Variants in UBXN7 observed in about 807,000 individuals in gnomAD.
The protein encoded by UBXN7 is UBX domain-containing protein 7.
UBXN7 carries 9 observed loss-of-function variants against 58.0 expected under a neutral mutation model. The ratio of observed to expected loss-of-function variants is 0.16; its 90% confidence interval spans 0.09 to 0.27. The LOEUF is 0.27. Ranked by LOEUF, UBXN7 falls within the 10% of genes least tolerant of loss-of-function variation. UBXN7 has a pLI of 1.00. For synonymous variants in UBXN7, 208 were observed against 205.0 expected (o/e 1.01, Z -0.12); for missense variants, 328 against 599.6 (o/e 0.55, Z 4.73).
At chr3:196,358,822 C>CTT (rs76477098) in intron 10 of UBXN7, among the ~76,000 whole-genome samples, 6 of 139,100 alleles carry the variant, frequency 4.3e-5, no homozygotes, top group African/African-American at 1.0e-4. Context: ...ACACCTCTTT[C>CTT]TTTTTTTTTT....
At chr3:196,375,752 G>A (rs1728998875) in intron 5 of UBXN7, among the ~76,000 whole-genome samples, 1 of 152,212 alleles carries the variant, frequency 6.6e-6, no homozygotes, top group South Asian at 2.1e-4. Flanking sequence ...ATTTAGGCCT[G>A]GCATGGTGGC....
At chr3:196,374,423 G>A (rs1473526122) in intron 5 of UBXN7, among the ~76,000 whole-genome samples, 3 of 152,056 alleles carry the variant, frequency 2.0e-5, no homozygotes, top group African/African-American at 4.8e-5. Context: ...AAAAATCTTT[G>A]CCTTTGTGAA....
At position 196,424,763 on chromosome 3, in the gene UBXN7, C is replaced by T. The variant is rs374516468; in HGVS notation, c.73+7564G>A. On this transcript the variant is annotated intron_variant, in intron 1 of 10. Coordinates refer to ENST00000296328, the MANE Select transcript of UBXN7 (RefSeq NM_015562.2). Reference sequence around the variant, plus strand: ...TGTCGCCCAGGCTGGAGTGCAATGGCGTGATCTCAGCTCACTGCAACCTCC... The same window carrying T: ...TGTCGCCCAGGCTGGAGTGCAATGGTGTGATCTCAGCTCACTGCAACCTCC... Among the ~76,000 whole-genome samples, 3 of 144,334 alleles carry T rather than the reference C, an allele frequency of 2.1e-5. No homozygotes were observed. The Admixed American group carries it at 2.2e-4, about 10-fold the overall frequency. The allele number at this position is 144,334 out of a possible 152,430, so 94.7% of individuals were successfully genotyped here.
At chr3:196,401,143 G>A (rs1729948707) in intron 3 of UBXN7, among the ~76,000 whole-genome samples, 1 of 147,018 alleles carries the variant, frequency 6.8e-6, no homozygotes, top group Non-Finnish European at 1.5e-5. Context: ...CGGGTATGGT[G>A]GCTCATGCCT....
intron 1 of UBXN7, among the ~76,000 whole-genome samples, chr3:196,416,968 A>C (rs537587711): frequency 6.6e-6 from 1 of 152,186 alleles, no homozygotes; most frequent in South Asian, 2.1e-4. Flanking sequence ...AGGGCAACTT[A>C]GGGCAGGAAA....
At chr3:196,411,181 A>G (rs1357021018) in intron 1 of UBXN7, among the ~76,000 whole-genome samples, 1 of 152,142 alleles carries the variant, frequency 6.6e-6, no homozygotes, top group East Asian at 1.9e-4. Context: ...AAAAGAATAG[A>G]AGGTTCTTGA....
chr3:196,401,342 T>C (rs1459677474), intron 3 of UBXN7, among the ~76,000 whole-genome samples: 1 of 133,208 alleles, frequency 7.5e-6, no homozygotes, highest in East Asian at 2.2e-4. Flanking sequence ...TACACATATA[T>C]ACAAAAAATA....
chr3:196,423,712 G>A lies in UBXN7; in HGVS notation c.73+8615C>T, dbSNP rs146625278. Among the ~76,000 whole-genome samples the A allele has an allele frequency of 2.1e-3, 313 of 152,242 alleles. 2 individuals carry two copies. Among genetic ancestry groups the A allele is most frequent in the African/African-American group, 7.1e-3 (293 of 41,550 alleles). On this transcript the variant is annotated intron_variant, in intron 1 of 10. Coordinates refer to ENST00000296328, the MANE Select transcript of UBXN7 (RefSeq NM_015562.2). ...CTGACTTATCCACTTGACAAGGTGAGTGGATAAACCCAAAGTACCTTGGGG... is the reference window on the plus strand; with the variant it reads ...CTGACTTATCCACTTGACAAGGTGAATGGATAAACCCAAAGTACCTTGGGG...
At chr3:196,363,049 C>T (rs1157996648) in intron 8 of UBXN7, among the ~76,000 whole-genome samples, 3 of 151,740 alleles carry the variant, frequency 2.0e-5, no homozygotes, top group Non-Finnish European at 2.9e-5. Context: ...GGATTACAAG[C>T]GCCCGCCACC....
chr3:196,420,292 G>T (rs1313871661), intron 1 of UBXN7, among the ~76,000 whole-genome samples: 1 of 152,028 alleles, frequency 6.6e-6, no homozygotes, highest in Non-Finnish European at 1.5e-5. Context: ...CAGCACTTTG[G>T]GAGGCCAAGG....
rs114056303 is a variant in UBXN7 at position 196,359,339 on chromosome 3, C to T, written c.1309-2493G>A. Among the ~76,000 whole-genome samples, 1,329 of 152,278 alleles carry T rather than the reference C, an allele frequency of 8.7e-3. 9 individuals are homozygous for T. The highest frequency in any genetic ancestry group is 0.043 in the South Asian group (206 of 4,824). On this transcript the variant is annotated intron_variant, in intron 10 of 10. Transcript: ENST00000296328. ...CTAATGGGAGTTTTCCCATCTCTCT[C>T]CCTCTATTCAGGCCTCCTTATTCCC...
chr3:196,376,478 G>A (rs554278622), intron 5 of UBXN7, among the ~76,000 whole-genome samples: 13 of 148,032 alleles, frequency 8.8e-5, no homozygotes, highest in Middle Eastern at 3.5e-3. Context: ...CCCAGGAGGC[G>A]GAGGTTGCAG....
intron 5 of UBXN7, among the ~76,000 whole-genome samples, chr3:196,383,308 A>G (rs1729272981): frequency 6.6e-6 from 1 of 152,124 alleles, no homozygotes; most frequent in Non-Finnish European, 1.5e-5. Context: ...GTCCTTAGAG[A>G]CCTACAGAGA....
intron 2 of UBXN7, among the ~76,000 whole-genome samples, chr3:196,406,971 C>T (rs751099949): frequency 7.2e-5 from 11 of 152,168 alleles, no homozygotes; most frequent in Non-Finnish European, 1.2e-4. Flanking sequence ...CTGCTGGCCA[C>T]GGGCCAATCC....
chr3:196,361,545 T>C (rs1382529812), intron 10 of UBXN7, among the ~76,000 whole-genome samples: 1 of 152,192 alleles, frequency 6.6e-6, no homozygotes, highest in African/African-American at 2.4e-5. Context: ...ACTTCACTGC[T>C]GTCACATTTT....
chr3:196,365,814 A>C (rs1357943979), intron 8 of UBXN7, among the ~76,000 whole-genome samples: 1 of 152,192 alleles, frequency 6.6e-6, no homozygotes, highest in African/African-American at 2.4e-5. Context: ...ATCTACCGAT[A>C]AGATTGAATT....
rs527603801 is a variant in UBXN7 at position 196,407,787 on chromosome 3, C to T, written c.74-394G>A. ...GTTAGAAAGAATACATTTCAGTTAG[C>T]ATTTCTGTTTCTGTTAAAAAGAAAG... On this transcript the variant is annotated intron_variant, in intron 1 of 10. Transcript: ENST00000296328. Among the ~76,000 whole-genome samples the T allele has an allele frequency of 5.9e-5, 9 of 152,210 alleles. No homozygotes were observed. The South Asian group carries it at 1.9e-3, about 32-fold the overall frequency.
chr3:196,407,256 G>T lies in UBXN7; in HGVS notation c.211C>A (p.Pro71Thr). 6.2e-7 allele frequency: 1 copy of T among 1,613,902 alleles called. No homozygotes were observed. The highest frequency in any genetic ancestry group is 8.5e-7 in the Non-Finnish European group (1 of 1,179,938). ...TSSASVSTVRPHTEEEVRAPI... is the reference protein window; with the variant it reads ...TSSASVSTVRTHTEEEVRAPI... ...ATAATAAATTCATACTCTGTGTGTG[G>T]TCTGACAGTAGAGACACTTGCTGAA... The change falls in exon 2 of 11, where the codon CCA (proline) becomes ACA (threonine). Residue 71 changes from proline (P) to threonine (T), a missense_variant. Pro to Thr is a conservative substitution (Grantham distance 38). This residue lies in a region of UBXN7 where 106 missense variants were observed against 124.3 expected (regional missense o/e 0.85). Coordinates refer to ENST00000296328, the MANE Select transcript of UBXN7 (RefSeq NM_015562.2).
chr3:196,364,703 G>GT (rs541642001), intron 8 of UBXN7, among the ~76,000 whole-genome samples: 13,400 of 143,666 alleles, frequency 0.093, 667 homozygotes, highest in Middle Eastern at 0.16. Flanking sequence ...TTTGCTGGTT[G>GT]TTTTTTTTTT....
Sources: allele counts gnomAD v4.1 joint callset (sites outside exome capture counted in the v4.1 genomes callset), GRCh38; gene constraint gnomAD v4.1.1; regional missense constraint gnomAD v4.1.1; transcripts MANE v1.5; gene names NCBI Gene and HGNC (gene_info 2026-07-23, HGNC 2026-07-21).